The following IL13RA1 variants were observed in gnomAD, a reference collection of about 807,000 sequenced individuals.
IL13RA1 encodes interleukin 13 receptor subunit alpha 1, also known as interleukin-13 receptor subunit alpha-1.
IL13RA1 carries 14 observed loss-of-function variants against 33.8 expected under a neutral mutation model. That is an observed-to-expected ratio of 0.41 (90% CI 0.27 to 0.65). The LOEUF is 0.65. Among genes scored for constraint, IL13RA1 ranks in the 30% least tolerant of loss-of-function variants. The pLI, the probability that IL13RA1 is intolerant of heterozygous loss-of-function variation, is 0.28. For synonymous variants in IL13RA1, 116 were observed against 115.7 expected (o/e 1.00, Z -0.02); for missense variants, 313 against 327.0 (o/e 0.96, Z 0.33).
At chrX:118,780,472 G>A (rs1031203887) in intron 10 of IL13RA1, among the ~76,000 whole-genome samples, 5 of 112,586 alleles carry the variant, frequency 4.4e-5, no homozygotes, top group Non-Finnish European at 5.6e-5. Context: ...CCTGAAACTG[G>A]GTAATTTATA....
chrX:118,790,291 C>A (rs984745797), intron 10 of IL13RA1, among the ~76,000 whole-genome samples: 1 of 112,360 alleles, frequency 8.9e-6, no homozygotes, highest in East Asian at 2.8e-4. Context: ...TAAGAGACAT[C>A]CACACTGTGG....
At chrX:118,735,768 G>A (rs967547622) in intron 1 of IL13RA1, among the ~76,000 whole-genome samples, 1 of 111,532 alleles carries the variant, frequency 9.0e-6, no homozygotes, top group Non-Finnish European at 1.9e-5. Context: ...GGCTTGTTTC[G>A]AACTCCTGGA....
At chrX:118,745,390 C>T (rs1255354611) in intron 2 of IL13RA1, among the ~76,000 whole-genome samples, 2 of 102,344 alleles carry the variant, frequency 2.0e-5, no homozygotes, top group African/African-American at 6.7e-5. Context: ...CTTTTTCCTG[C>T]CTGTCAGGAT....
chrX:118,776,448 T>C lies in IL13RA1; in HGVS notation c.1128T>C (p.Pro376=). The part of the protein sequence containing the change: ...YLKRLKIIIF[P]PIPDPGKIFK... Reference sequence around the variant, plus strand: ...AAAGGCTCAAGATTATTATATTCCCTCCAATTCCTGATCCTGGCAAGATTT... The same window carrying C: ...AAAGGCTCAAGATTATTATATTCCCCCCAATTCCTGATCCTGGCAAGATTT... Residue 376 remains proline, a synonymous_variant, in exon 10 of 11, where the codon CCT becomes CCC. Coordinates refer to ENST00000371666, the MANE Select transcript of IL13RA1 (RefSeq NM_001560.3). The C allele has an allele frequency of 2.0e-6, 2 of 980,134 alleles. No homozygotes were observed. Among genetic ancestry groups the C allele is most frequent in the Middle Eastern group, 2.6e-4 (1 of 3,829 alleles). The allele number at this position is 980,134 out of a possible 1,213,427, so 80.8% of individuals were successfully genotyped here.
intron 10 of IL13RA1, among the ~76,000 whole-genome samples, chrX:118,787,988 TTAAAG>T (rs1415152901): frequency 1.8e-5 from 2 of 111,854 alleles, no homozygotes; most frequent in South Asian, 3.7e-4. Flanking sequence ...GATTAAGAGA[TTAAAG>T]TAAAGATAGG....
intron 9 of IL13RA1, among the ~76,000 whole-genome samples, chrX:118,776,091 C>T (rs1489615989): frequency 9.0e-6 from 1 of 111,436 alleles, no homozygotes; most frequent in Non-Finnish European, 1.9e-5. Context: ...AGGAATGTAT[C>T]CTGTTCTCAG....
At chrX:118,774,337 C>T (rs4825605) in intron 9 of IL13RA1, among the ~76,000 whole-genome samples, 87 of 109,430 alleles carry the variant, frequency 8.0e-4, no homozygotes, top group Admixed American at 3.7e-3. Flanking sequence ...TTTTAGTAGA[C>T]AGGGTTTCAC....
chrX:118,750,739 A>G (rs951461900), intron 4 of IL13RA1, among the ~76,000 whole-genome samples: 1 of 110,798 alleles, frequency 9.0e-6, no homozygotes, highest in African/African-American at 3.3e-5. Flanking sequence ...TCCACTAGCA[A>G]TGCATGAGTT....
intron 4 of IL13RA1, among the ~76,000 whole-genome samples, chrX:118,751,058 C>G (rs748135367): frequency 8.9e-6 from 1 of 111,995 alleles, no homozygotes; most frequent in Admixed American, 9.5e-5. Context: ...CTGCCCATCT[C>G]GGCCTCCCAA....
chrX:118,776,541 G>GTTTTTTTTTTT (rs5903529), intron 10 of IL13RA1, 30 bp downstream of exon 10: 10 of 219,752 alleles, frequency 4.6e-5, no homozygotes, highest in Non-Finnish European at 7.1e-5. Flanking sequence ...GGCTTGAAAT[G>GTTTTTTTTTTT]TTTTTTTTTT....
Position 118,762,630 on chromosome X carries a change from G to A in IL13RA1, c.828+1341G>A, listed in dbSNP as rs201234176. Among the ~76,000 whole-genome samples the A allele has an allele frequency of 2.7e-5, 3 of 111,482 alleles. No homozygotes were observed. The East Asian group carries it at 8.5e-4, about 31-fold the overall frequency. On this transcript the variant is annotated intron_variant, in intron 6 of 10. Transcript: ENST00000371666. ...CATTTGCATTATGAATCCTTCTGCTGAAATATAATAATCATTACTAGTACC... is the reference window on the plus strand; with the variant it reads ...CATTTGCATTATGAATCCTTCTGCTAAAATATAATAATCATTACTAGTACC...
chrX:118,800,729 C>T, the IL13RA1 span, among the ~76,000 whole-genome samples: 1 of 111,444 alleles, frequency 9.0e-6, no homozygotes, highest in South Asian at 3.8e-4. Flanking sequence ...CTCAGCCTCC[C>T]AATTAGCTCG....
At chrX:118,768,324 C>T (rs1003907761) in intron 8 of IL13RA1, among the ~76,000 whole-genome samples, 4 of 112,044 alleles carry the variant, frequency 3.6e-5, no homozygotes, top group Admixed American at 9.5e-5. Flanking sequence ...CTCACAGTTT[C>T]GGTGAGTCAG....
chrX:118,757,485 C>G (rs1367156831), intron 4 of IL13RA1, among the ~76,000 whole-genome samples: 8 of 89,784 alleles, frequency 8.9e-5, no homozygotes, highest in African/African-American at 3.6e-4. Flanking sequence ...GATCGTGCCA[C>G]TGTACTCCAG....
intron 2 of IL13RA1, among the ~76,000 whole-genome samples, chrX:118,746,743 C>A (rs1328453363): frequency 9.1e-6 from 1 of 109,959 alleles, no homozygotes; most frequent in Non-Finnish European, 1.9e-5. Context: ...TAACCTCCCC[C>A]TCCCAAGTTA....
intron 10 of IL13RA1, among the ~76,000 whole-genome samples, chrX:118,786,999 T>G (rs1289943496): frequency 8.9e-6 from 1 of 112,437 alleles, no homozygotes; most frequent in Non-Finnish European, 1.9e-5. Context: ...TTCCACAGCT[T>G]ATACCATTTT....
At position 118,771,728 on chromosome X, in the gene IL13RA1, A is replaced by G. The variant is rs759554512; in HGVS notation, c.1010-2151A>G. Among the ~76,000 whole-genome samples, 12 of 112,302 alleles carry G rather than the reference A, an allele frequency of 1.1e-4. No homozygotes were observed. The South Asian group carries it at 1.1e-3, about 10-fold the overall frequency. ...CATGGCTCATGCCTATAATCCCATC[A>G]CTTTGGGAGGCTGAGGCGGGTGGAT... On this transcript the variant is annotated intron_variant, in intron 8 of 10. Coordinates refer to ENST00000371666, the MANE Select transcript of IL13RA1 (RefSeq NM_001560.3).
intron 10 of IL13RA1, among the ~76,000 whole-genome samples, chrX:118,779,474 A>G (rs1025550623): frequency 9.8e-5 from 11 of 112,240 alleles, no homozygotes; most frequent in Non-Finnish European, 1.7e-4. Flanking sequence ...GTATATTACA[A>G]TCATAATTTT....
intron 8 of IL13RA1, chrX:118,770,568 C>A: frequency 2.0e-6 from 1 of 511,906 alleles, no homozygotes; most frequent in South Asian, 2.3e-5. Flanking sequence ...TGCCCACGTT[C>A]CGCAAGCTGT....
Sources: allele counts gnomAD v4.1 joint callset (sites outside exome capture counted in the v4.1 genomes callset), GRCh38; gene constraint gnomAD v4.1.1; transcripts MANE v1.5; gene names NCBI Gene and HGNC (gene_info 2026-07-23, HGNC 2026-07-21).